LIPE: variants seen among roughly 807,000 people sequenced by gnomAD.
LIPE encodes the protein lipase E, hormone sensitive type, also known as hormone-sensitive lipase.
In LIPE, 66 loss-of-function variants were observed where a neutral mutation model predicts 88.5. The ratio of observed to expected loss-of-function variants is 0.75; its 90% CI spans 0.61 to 0.91. The LOEUF is 0.91. Among genes scored for constraint, LIPE ranks in the 40% least tolerant of loss-of-function variants. The probability of loss-of-function intolerance (pLI) is 0.00; values close to 1 mark genes in which losing one functional copy is unlikely to be tolerated. For synonymous variants in LIPE, 570 were observed against 617.5 expected, an observed-to-expected ratio of 0.92 and a Z score of 1.14; for missense variants, 1,346 against 1,434.7, an observed-to-expected ratio of 0.94 and a Z score of 1.00.
Position 42,426,624 on chromosome 19 carries a change from T to C in LIPE, c.526A>G (p.Thr176Ala). The part of the protein sequence containing the change: ...KREPSAPTES[T>A]SQETPEQSDK... Reference sequence around the variant, plus strand: ...GACTGTTCAGGTGTCTCTTGGGACGTAGATTCAGTCGGGGCAGATGGCTCC... The same window carrying C: ...GACTGTTCAGGTGTCTCTTGGGACGCAGATTCAGTCGGGGCAGATGGCTCC... Residue 176 changes from threonine to alanine, a missense_variant, in exon 1 of 10, where the codon ACG becomes GCG. By Grantham distance (58) the Thr-to-Ala change is moderately conservative (BLOSUM62 0). Coordinates refer to ENST00000244289, the MANE Select transcript of LIPE (RefSeq NM_005357.4). 1 of 1,614,238 alleles carries C rather than the reference T, an allele frequency of 6.2e-7. No homozygotes were observed. The highest frequency in any genetic ancestry group is 1.1e-5 in the South Asian group (1 of 91,088).
rs531764306 is a variant in LIPE at position 42,408,691 on chromosome 19, G to A, written c.1420-369C>T. On this transcript the variant is annotated intron_variant, in intron 2 of 9. Transcript: ENST00000244289. This position sits in a 1 kb window ranked among gnomAD's most constrained non-coding sequence, Gnocchi z 4.3. ...GTGTTCCCTGCACAGGGAACAGAGA[G>A]CATGAAGGCTTAAAGGTGAGCTCAT... is the stretch of plus-strand genomic sequence containing the variant. 6.6e-6 allele frequency among the ~76,000 whole-genome samples: 1 copy of A among 152,040 alleles called. No individual in the cohort carries two copies. Among genetic ancestry groups the A allele is most frequent in the South Asian group, 2.1e-4 (1 of 4,810 alleles).
At chr19:42,405,011 C>T (rs35038065) in intron 8 of LIPE, among the ~76,000 whole-genome samples, 5,086 of 152,228 alleles carry the variant, frequency 0.033, 256 homozygotes, top group African/African-American at 0.11. Context: ...GCTGGGACTA[C>T]AGGTGTACTC....
At chr19:42,405,929 A>G in intron 7 of LIPE, 2 of 575,320 alleles carry the variant, frequency 3.5e-6, no homozygotes, top group East Asian at 2.9e-5. Flanking sequence ...CACTGCACTC[A>G]GCCTGAGCGA....
At chr19:42,405,201 C>T (rs942434868) in intron 8 of LIPE, among the ~76,000 whole-genome samples, 184 bp downstream of exon 8, 9 of 151,916 alleles carry the variant, frequency 5.9e-5, no homozygotes, top group African/African-American at 1.7e-4. Flanking sequence ...GACAGGGTTT[C>T]GTCATGTTGA....
chr19:42,419,714 G>A (rs529559951), intron 1 of LIPE, among the ~76,000 whole-genome samples: 1 of 152,192 alleles, frequency 6.6e-6, no homozygotes, highest in South Asian at 2.1e-4. Context: ...GGGTGGATGG[G>A]GGATGGAGGA....
At chr19:42,412,814 C>T (rs922236654) in intron 1 of LIPE, among the ~76,000 whole-genome samples, 2 of 152,224 alleles carry the variant, frequency 1.3e-5, no homozygotes, top group African/African-American at 4.8e-5. Context: ...TCTCAGCTCC[C>T]GCCTCCTAGT....
At chr19:42,405,353 G>T in intron 8 of LIPE, 32 bp downstream of exon 8, 1 of 1,605,662 alleles carries the variant, frequency 6.2e-7, no homozygotes, top group Non-Finnish European at 8.5e-7. Flanking sequence ...TGCCCACCCT[G>T]GCTGGGCATG....
intron 1 of LIPE, 95 bp downstream of exon 1, chr19:42,426,172 C>G: frequency 9.8e-7 from 1 of 1,017,936 alleles, no homozygotes; most frequent in South Asian, 2.3e-5. Context: ...GAAGGATGAC[C>G]AGAGCTAACC....
At chr19:42,421,025 A>G (rs181945676) in intron 1 of LIPE, among the ~76,000 whole-genome samples, 1 of 152,152 alleles carries the variant, frequency 6.6e-6, no homozygotes, top group Non-Finnish European at 1.5e-5. Context: ...CAGCCTCCCA[A>G]GTAGCTGGGA....
chr19:42,414,799 C>A lies in LIPE; in HGVS notation c.884-3957G>T, dbSNP rs2040455416. Among the ~76,000 whole-genome samples the A allele has an allele frequency of 6.6e-6, 1 of 152,184 alleles. No homozygotes were observed. Among genetic ancestry groups the A allele is most frequent in the Admixed American group, 6.6e-5 (1 of 15,266 alleles). On this transcript the variant is annotated intron_variant, in intron 1 of 9. Transcript: ENST00000244289. The surrounding 1 kb of genome is among the most constrained non-coding windows in gnomAD (Gnocchi z 4.6). ...CTGTGATCAATGATCTCTGGTGTTA[C>A]TATTGTGAGTGGGGGCACCACCAAC...
In LIPE at chr19:42,401,642, T is replaced by A; in HGVS notation, c.*170A>T. The A allele has an allele frequency of 1.7e-6, 1 of 575,618 alleles. No individual in the cohort carries two copies. The highest frequency in any genetic ancestry group is 2.9e-6 in the Non-Finnish European group (1 of 343,834). The allele number at this position is 575,618 out of a possible 1,614,324, so 35.7% of individuals were successfully genotyped here. A position where few individuals can be genotyped will look rare whatever the true frequency, so the allele number is the denominator to read the frequency against. ...TGGCGTGCAGGTCCAGCCGTCTCGG[T>A]GACCGGTGTGTGTGCGCGTCCCCCT... On this transcript the variant is annotated 3_prime_UTR_variant, in exon 10 of 10. Transcript: ENST00000244289.
rs1346282136 is a variant in LIPE, at chr19:42,407,186, A to G, written c.2125T>C (p.Cys709Arg). 1.1e-5 allele frequency: 16 copies of G among 1,516,502 alleles called. No individual in the cohort carries two copies. Among genetic ancestry groups the G allele is most frequent in the African/African-American group, 2.8e-5 (2 of 72,462 alleles). The allele number at this position is 1,516,502 out of a possible 1,614,324, so 93.9% of individuals were successfully genotyped here. The change falls in exon 6 of 10, where the codon TGC becomes CGC. Residue 709 changes from cysteine (C) to arginine (R), a missense_variant. Coordinates refer to ENST00000244289, the MANE Select transcript of LIPE (RefSeq NM_005357.4). The surrounding 1 kb of genome is among the most constrained non-coding windows in gnomAD (Gnocchi z 5.8). ...GCCTGAGGCTCACCAAGGAGGGCGC[A>G]GTGCTTGATGGCCCAGCAGTAGGCG... ...FFAYCWAIKHCALLGSTGERI... is the reference protein window; with the variant it reads ...FFAYCWAIKHRALLGSTGERI...
At chr19:42,424,107 CT>C in intron 1 of LIPE, 1 of 1,189,776 alleles carries the variant, frequency 8.4e-7, no homozygotes, top group Non-Finnish European at 1.1e-6. Context: ...GGGAGCCCCG[CT>C]TTCCCTCTCC....
At chr19:42,417,981 C>A (rs973566701) in intron 1 of LIPE, among the ~76,000 whole-genome samples, 6 of 151,510 alleles carry the variant, frequency 4.0e-5, no homozygotes, top group Middle Eastern at 3.4e-3. Context: ...CAGGACTGAC[C>A]CCCATTTTTT....
At position 42,427,079 on chromosome 19, in the gene LIPE, G is replaced by C; in HGVS notation, c.71C>G (p.Pro24Arg). 3 of 1,614,056 alleles carry C rather than the reference G, an allele frequency of 1.9e-6. No homozygotes were observed. The highest frequency in any genetic ancestry group is 2.5e-6 in the Non-Finnish European group (3 of 1,180,000). ...TGTCTTTTCTGGCCCAGGCTCTAGC[G>C]GGGTTATAGGCCTCTGGTGTGGTTC... is the stretch of plus-strand genomic sequence containing the variant. ...QPEPHQRPIT[P>R]LEPGPEKTPI... The change falls in exon 1 of 10, where the codon CCG (proline) becomes CGG (arginine). Residue 24 changes from proline (P) to arginine (R), a missense_variant. By Grantham distance (103) the Pro-to-Arg change is moderately radical (BLOSUM62 -2). Transcript: ENST00000244289.
chr19:42,425,301 C>T (rs1195566872), intron 1 of LIPE: 2 of 152,748 alleles, frequency 1.3e-5, no homozygotes, highest in African/African-American at 4.8e-5. Flanking sequence ...TGAATGAACA[C>T]TGGCAAGAGG....
intron 1 of LIPE, among the ~76,000 whole-genome samples, chr19:42,420,749 T>C (rs1176938316): frequency 6.6e-6 from 1 of 152,148 alleles, no homozygotes; most frequent in Admixed American, 6.6e-5. Context: ...TCTGATTTTG[T>C]TCTCTTTGAT....
chr19:42,424,059 C>G, intron 1 of LIPE: 1 of 1,185,132 alleles, frequency 8.4e-7, no homozygotes, highest in Non-Finnish European at 1.1e-6. Context: ...GGGGCGCCAG[C>G]GCTGGAGGCG....
intron 1 of LIPE, among the ~76,000 whole-genome samples, chr19:42,412,886 G>C (rs939224858): frequency 2.0e-5 from 3 of 152,206 alleles, no homozygotes; most frequent in African/African-American, 7.2e-5. Context: ...AGCCCTGCCT[G>C]TCCCTCCTGG....
Sources: gnomAD v4.1 joint callset for allele counts (sites outside exome capture counted in the v4.1 genomes callset) on GRCh38, gnomAD v4.1.1 for gene constraint, Gnocchi (gnomAD v3.1) non-coding constraint, MANE v1.5 for transcripts, NCBI Gene and HGNC (gene_info 2026-07-23, HGNC 2026-07-21) for gene names.